EMID1: variants seen among roughly 807,000 people sequenced by gnomAD.
EMID1 encodes EMI domain containing 1, also known as EMI domain-containing protein 1.
A neutral mutation model predicts 60.6 loss-of-function variants in EMID1; 40 were observed. That is an observed-to-expected ratio of 0.66 (90% CI 0.51 to 0.86). The LOEUF (loss-of-function observed/expected upper bound fraction) is 0.86, where lower values mean the gene tolerates loss of function less well. EMID1 is among the 40% of genes least tolerant of loss of function. The pLI, the probability that EMID1 is intolerant of heterozygous loss-of-function variation, is 0.00. For synonymous variants in EMID1, 242 were observed against 231.0 expected, an observed-to-expected ratio of 1.05 and a Z score of -0.43; for missense variants, 585 against 597.1, an observed-to-expected ratio of 0.98 and a Z score of 0.21.
intron 3 of EMID1, chr22:29,216,626 C>T (rs765551905): frequency 4.8e-5 from 47 of 985,466 alleles, no homozygotes; most frequent in East Asian, 3.4e-4. Flanking sequence ...CCAGAAGCCA[C>T]GGCTCACAGG....
chr22:29,220,659 C>T (rs1219691914), intron 3 of EMID1, among the ~76,000 whole-genome samples: 1 of 152,174 alleles, frequency 6.6e-6, no homozygotes, highest in Non-Finnish European at 1.5e-5. Flanking sequence ...CAGCTTTTCA[C>T]ACCCCGAATC....
At chr22:29,230,262 G>A (rs1276374112) in intron 5 of EMID1, among the ~76,000 whole-genome samples, 1 of 152,028 alleles carries the variant, frequency 6.6e-6, no homozygotes, top group Non-Finnish European at 1.5e-5. Context: ...GAACCCGGGA[G>A]GCGGAGGTTG....
chr22:29,214,513 G>C (rs2040009772), intron 1 of EMID1, among the ~76,000 whole-genome samples: 2 of 152,164 alleles, frequency 1.3e-5, no homozygotes, highest in South Asian at 4.1e-4. Context: ...CTGTGACACT[G>C]CCTCTAGGGA....
chr22:29,233,298 C>A, intron 8 of EMID1, 81 bp from the exon 9 acceptor site: 2 of 1,493,180 alleles, frequency 1.3e-6, no homozygotes, highest in Non-Finnish European at 1.9e-6. Flanking sequence ...GCAGTCCAAG[C>A]TGTCTTGGCA....
intron 1 of EMID1, among the ~76,000 whole-genome samples, chr22:29,212,816 C>T (rs1245940608): frequency 4.6e-5 from 7 of 152,276 alleles, no homozygotes; most frequent in Non-Finnish European, 8.8e-5. Context: ...CCACCCATCT[C>T]GGCCTGCCAA....
At chr22:29,243,277 T>G (rs1320949096) in intron 12 of EMID1, among the ~76,000 whole-genome samples, 168 bp from the exon 13 acceptor site, 1 of 152,262 alleles carries the variant, frequency 6.6e-6, no homozygotes, top group Non-Finnish European at 1.5e-5. Context: ...TTTTTATTAC[T>G]TTCCGTTGCC....
chr22:29,224,079 C>T lies in EMID1; in HGVS notation c.320-1054C>T, dbSNP rs569705692. Among the ~76,000 whole-genome samples the T allele has an allele frequency of 8.5e-5, 13 of 152,338 alleles. No homozygotes were observed. The East Asian group carries it at 2.5e-3, about 29-fold the overall frequency. On this transcript the variant is annotated intron_variant, in intron 3 of 14. Coordinates refer to ENST00000334018, the MANE Select transcript of EMID1 (RefSeq NM_133455.4). ...CCCTGTGCCTGGGCAAGTCACAGGC[C>T]CTTGAGGAGGGTATGCTGGGGATGC...
chr22:29,236,671 A>T (rs1485504969), intron 12 of EMID1, among the ~76,000 whole-genome samples: 2 of 152,118 alleles, frequency 1.3e-5, no homozygotes, highest in African/African-American at 4.8e-5. Flanking sequence ...AGCCTGGGCG[A>T]CAGAGTGAGA....
At chr22:29,231,561 G>A (rs1406613885) in intron 6 of EMID1, 32 bp from the exon 7 acceptor site, 2 of 1,547,526 alleles carry the variant, frequency 1.3e-6, no homozygotes, top group Non-Finnish European at 8.7e-7. Context: ...AGCAGATGTG[G>A]AGCTGCCAGT....
At chr22:29,231,368 C>T (rs2040734215) in intron 6 of EMID1, 5 of 829,242 alleles carry the variant, frequency 6.0e-6, no homozygotes, top group South Asian at 4.8e-5. Context: ...GCCTGGAGGT[C>T]GGGGGGAGCT....
chr22:29,254,023 C>T (rs1056019841), intron 13 of EMID1, 180 bp from the exon 14 acceptor site: 1 of 985,452 alleles, frequency 1.0e-6, no homozygotes, highest in South Asian at 4.7e-5. Context: ...CTTCCGTCTG[C>T]CTTGTTGTCC....
rs754286448 is a variant in EMID1, at chr22:29,259,023, C to A, written c.*79C>A. 176 of 1,537,698 alleles carry A rather than the reference C, an allele frequency of 1.1e-4. No individual in the cohort carries two copies. Among genetic ancestry groups the A allele is most frequent in the Non-Finnish European group, 1.4e-4 (158 of 1,144,554 alleles). On this transcript the variant is annotated 3_prime_UTR_variant, in exon 15 of 15. Coordinates refer to ENST00000334018, the MANE Select transcript of EMID1 (RefSeq NM_133455.4). ...CTCGGCCAGCTGCCTCCAGGGACCG[C>A]CCGTCCATATTTATTAATGTCCTCA...
intron 1 of EMID1, among the ~76,000 whole-genome samples, chr22:29,206,538 T>A (rs1229811575): frequency 6.6e-5 from 10 of 152,180 alleles, no homozygotes; most frequent in Non-Finnish European, 1.2e-4. Context: ...TTTGTTTTGT[T>A]TTTTGTTTGT....
chr22:29,254,786 G>A lies in EMID1; in HGVS notation c.1204+499G>A, dbSNP rs542057959. On this transcript the variant is annotated intron_variant, in intron 14 of 14. Coordinates refer to ENST00000334018, the MANE Select transcript of EMID1 (RefSeq NM_133455.4). ...AATCATGGGTAACAGAGTCAGGCCC[G>A]CAGGACAATAGGTCATGGAGCAAGA... is the stretch of plus-strand genomic sequence containing the variant. The A allele has an allele frequency of 8.6e-5, 15 of 174,240 alleles. No individual in the cohort carries two copies. In the East Asian group the frequency reaches 1.4e-3, roughly 17 times the overall value. 10.8% of individuals were successfully genotyped at this position (174,240 alleles called of 1,614,324 possible).
At chr22:29,216,456 A>G (rs2040085641) in intron 3 of EMID1, 1 of 985,338 alleles carries the variant, frequency 1.0e-6, no homozygotes, top group African/African-American at 1.7e-5. Context: ...CTGGCCCAGA[A>G]CCATCCTGAG....
intron 1 of EMID1, among the ~76,000 whole-genome samples, chr22:29,209,931 G>A (rs952143637): frequency 6.6e-6 from 1 of 152,154 alleles, no homozygotes; most frequent in Non-Finnish European, 1.5e-5. Flanking sequence ...CATTAGGTCT[G>A]CACTTTAGAA....
At chr22:29,235,982 T>C (rs1002744000) in intron 12 of EMID1, among the ~76,000 whole-genome samples, 2 of 151,986 alleles carry the variant, frequency 1.3e-5, no homozygotes, top group Admixed American at 6.6e-5. Flanking sequence ...ATTTAATCTG[T>C]TTTGTGGTTA....
chr22:29,225,364 A>G, intron 4 of EMID1, 148 bp downstream of exon 4: 1 of 857,760 alleles, frequency 1.2e-6, no homozygotes, highest in Non-Finnish European at 1.8e-6. Flanking sequence ...CATGCTCCCC[A>G]GGCTACAAAA....
Position 29,205,950 on chromosome 22 carries a change from G to A in EMID1, c.-89G>A. ...TGGAAACCGGGCTCCGCGCGTCCGG[G>A]GCGGCTGGCGGCGCGGGCAGGCAGG... On this transcript the variant is annotated 5_prime_UTR_variant, in exon 1 of 15. Transcript: ENST00000334018. 1 of 782,550 alleles carries A rather than the reference G, an allele frequency of 1.3e-6. No individual in the cohort carries two copies. The highest frequency in any genetic ancestry group is 1.6e-6 in the Non-Finnish European group (1 of 628,680). The allele number at this position is 782,550 out of a possible 1,614,324, so 48.5% of individuals were successfully genotyped here. A position where few individuals can be genotyped will look rare whatever the true frequency, so the allele number is the denominator to read the frequency against.
Sources: gnomAD v4.1 joint callset for allele counts (sites outside exome capture counted in the v4.1 genomes callset) on GRCh38, gnomAD v4.1.1 for gene constraint, MANE v1.5 for transcripts, NCBI Gene and HGNC (gene_info 2026-07-23, HGNC 2026-07-21) for gene names.